Variants in NR1H2 observed in about 807,000 individuals in gnomAD.
NR1H2 encodes the protein nuclear receptor subfamily 1 group H member 2.
NR1H2 carries 33 observed loss-of-function variants against 51.2 expected under a neutral mutation model. The ratio of observed to expected loss-of-function variants is 0.64; its 90% CI spans 0.49 to 0.86. NR1H2 has a LOEUF of 0.86. NR1H2 is among the 40% of genes least tolerant of loss of function. The pLI is 0.00. For synonymous variants in NR1H2, 310 were observed against 264.3 expected (o/e 1.17, Z -1.68); for missense variants, 592 against 639.9 (o/e 0.93, Z 0.81).
At chr19:50,378,861 C>G in intron 6 of NR1H2, 65 bp downstream of exon 6, 1 of 1,576,212 alleles carries the variant, frequency 6.3e-7, no homozygotes, top group Non-Finnish European at 8.6e-7. Context: ...TGGGCCATCA[C>G]CCAGGGTGTG....
Position 50,382,664 on chromosome 19 carries a change from C to T in NR1H2, c.*62C>T, listed in dbSNP as rs969520741. 2.1e-5 allele frequency: 31 copies of T among 1,484,086 alleles called. No individual in the cohort carries two copies. The highest frequency in any genetic ancestry group is 2.8e-5 in the Non-Finnish European group (31 of 1,118,174). 91.9% of individuals were successfully genotyped at this position (1,484,086 alleles called of 1,614,324 possible). On this transcript the variant is annotated 3_prime_UTR_variant, in exon 10 of 10. Transcript: ENST00000253727. ...ACCCTCCAGCAGATAGACGCCGGCA[C>T]CCCTTCCTCTTCCTAGGGTGGAAGG...
At position 50,378,306 on chromosome 19, in the gene NR1H2, C is replaced by T. The variant is rs1217774507; in HGVS notation, c.339C>T (p.Arg113=). Residue 113 remains arginine, a synonymous_variant, in exon 5 of 10, where the codon CGC becomes CGT. Transcript: ENST00000253727. Reference sequence around the variant, plus strand: ...AAGGCTGCAAGGGCTTCTTCCGGCGCAGTGTGGTCCGTGGTGGGGCCAGGC... The same window carrying T: ...AAGGCTGCAAGGGCTTCTTCCGGCGTAGTGTGGTCCGTGGTGGGGCCAGGC... ...SCEGCKGFFR[R]SVVRGGARRY... is the part of the protein sequence containing the mutation. 1.2e-6 allele frequency: 2 copies of T among 1,613,206 alleles called. No individual in the cohort carries two copies. Among genetic ancestry groups the T allele is most frequent in the Non-Finnish European group, 1.7e-6 (2 of 1,180,036 alleles).
chr19:50,380,811 T>C (rs1318904), intron 8 of NR1H2, among the ~76,000 whole-genome samples: 4,568 of 152,074 alleles, frequency 0.03, 224 homozygotes, highest in African/African-American at 0.1. Context: ...ACCCTACCCC[T>C]TCCCAGCCGC....
In NR1H2 at chr19:50,378,182, A is replaced by C. The variant is rs770945071; in HGVS notation, c.215A>C (p.Lys72Thr). Residue 72 changes from lysine (K) to threonine (T), a missense_variant, in exon 5 of 10, where the codon AAG becomes ACG. Physicochemically the swap from Lys to Thr is moderately conservative, Grantham distance 78. Around this residue, in one of 3 missense-constraint regions of NR1H2, gnomAD observed 316 missense variants for 313.4 expected, o/e 1.01. Transcript: ENST00000253727. ...IPDPEEEPER[K>T]RKKGPAPKML... ...GATCCCGAAGAGGAACCAGAGCGCA[A>C]GCGAAAGAAGGGCCCAGCCCCGAAG... is the stretch of plus-strand genomic sequence containing the variant. The C allele has an allele frequency of 6.2e-7, 1 of 1,612,484 alleles. No homozygotes were observed. Among genetic ancestry groups the C allele is most frequent in the African/African-American group, 1.3e-5 (1 of 74,934 alleles).
intron 8 of NR1H2, 102 bp from the exon 9 acceptor site, chr19:50,381,861 TTAC>T (rs1337626868): frequency 9.3e-6 from 9 of 972,490 alleles, no homozygotes; most frequent in African/African-American, 1.6e-5. Flanking sequence ...AACGCTGTAA[TTAC>T]TGCTGTGTTC....
At chr19:50,378,049 C>T in intron 4 of NR1H2, 100 bp from the exon 5 acceptor site, 1 of 1,428,464 alleles carries the variant, frequency 7.0e-7, no homozygotes, top group Non-Finnish European at 9.4e-7. Flanking sequence ...CTCTCTCCCT[C>T]CATCCTCTGG....
intron 8 of NR1H2, among the ~76,000 whole-genome samples, chr19:50,381,559 A>G (rs1201434959): frequency 1.3e-5 from 2 of 152,234 alleles, no homozygotes; most frequent in African/African-American, 4.8e-5. Context: ...TGAACAAGTC[A>G]GTTTTGGGAA....
rs2123645100 is a variant in NR1H2, at chr19:50,378,011, C to T, written c.182-138C>T. 3.5e-6 allele frequency: 5 copies of T among 1,422,690 alleles called. No homozygotes were observed. In the East Asian group the frequency reaches 6.9e-5, roughly 20 times the overall value. 88.1% of individuals were successfully genotyped at this position (1,422,690 alleles called of 1,614,324 possible). On this transcript the variant is annotated intron_variant, in intron 4 of 9. Transcript: ENST00000253727. ...TTAACATATACATCTTTCTAAATTG[C>T]AATTTCCCTGAATGTGAGCAGCAAC... is the stretch of plus-strand genomic sequence containing the variant.
In NR1H2 at chr19:50,377,746, T is replaced by A; in HGVS notation, c.57T>A (p.Pro19=). The change falls in exon 4 of 10, where the codon CCT becomes CCA. Residue 19 remains proline (P), a synonymous_variant. Transcript: ENST00000253727. ...LDTPLPGNGP[P]QPGAPSSSPT... ...ACCCTCTTCCAGGAAATGGCCCCCC[T>A]CAGCCTGGCGCCCCTTCTTCTTCAC... The A allele has an allele frequency of 1.9e-6, 3 of 1,607,058 alleles. No homozygotes were observed. The highest frequency in any genetic ancestry group is 2.6e-6 in the Non-Finnish European group (3 of 1,176,316).
chr19:50,378,045 C>G, intron 4 of NR1H2, 104 bp from the exon 5 acceptor site: 1 of 1,417,966 alleles, frequency 7.1e-7, no homozygotes, highest in Non-Finnish European at 9.5e-7. Context: ...ACTCCTCTCT[C>G]CCTCCATCCT....
Position 50,382,769 on chromosome 19 carries a change from C to G in NR1H2, c.*167C>G, listed in dbSNP as rs1601146761. ...AGTCCAGGTCCAGGAGGCTCCCTCC[C>G]TGCCCAGCGAGTCTTCCAGAAGGGG... is the stretch of plus-strand genomic sequence containing the variant. On this transcript the variant is annotated 3_prime_UTR_variant, in exon 10 of 10. Transcript: ENST00000253727. 5 of 659,798 alleles carry G rather than the reference C, an allele frequency of 7.6e-6. No homozygotes were observed. In the East Asian group the frequency reaches 9.2e-5, roughly 12 times the overall value. The allele number at this position is 659,798 out of a possible 1,614,324, so 40.9% of individuals were successfully genotyped here.
chr19:50,381,929 G>C (rs770034082), intron 8 of NR1H2, 37 bp from the exon 9 acceptor site: 2 of 1,519,992 alleles, frequency 1.3e-6, no homozygotes, highest in Non-Finnish European at 1.8e-6. Flanking sequence ...GCACGGTTTC[G>C]GGCTGAGGGA....
rs756355371 is a variant in NR1H2, at chr19:50,379,061, C to T, written c.807C>T (p.His269=). The T allele has an allele frequency of 3.7e-6, 6 of 1,614,014 alleles. No homozygotes were observed. In the Admixed American group the frequency reaches 5.0e-5, roughly 13 times the overall value. The change falls in exon 7 of 10, where the codon CAC becomes CAT. Residue 269 remains histidine (H), a synonymous_variant. Coordinates refer to ENST00000253727, the MANE Select transcript of NR1H2 (RefSeq NM_007121.7). The part of the protein sequence containing the change: ...SRDARQQRFA[H]FTELAIISVQ... ...ATGCCCGCCAGCAACGCTTTGCCCA[C>T]TTCACGGAGCTGGCCATCATCTCAG...
Position 50,382,608 on chromosome 19 carries a change from T to C in NR1H2, c.*6T>C, listed in dbSNP as rs2123661293. 6.4e-7 allele frequency: 1 copy of C among 1,555,744 alleles called. No homozygotes were observed. Among genetic ancestry groups the C allele is most frequent in the Admixed American group, 1.9e-5 (1 of 53,530 alleles). On this transcript the variant is annotated 3_prime_UTR_variant, in exon 10 of 10. Coordinates refer to ENST00000253727, the MANE Select transcript of NR1H2 (RefSeq NM_007121.7). ...TCTGGGACGTCCACGAGTGAGGGGCTGGCCACCCAGCCCCACAGCCTTGCC... is the reference window on the plus strand; with the variant it reads ...TCTGGGACGTCCACGAGTGAGGGGCCGGCCACCCAGCCCCACAGCCTTGCC...
chr19:50,382,826 T>G lies in NR1H2; in HGVS notation c.*224T>G. On this transcript the variant is annotated 3_prime_UTR_variant, in exon 10 of 10. Coordinates refer to ENST00000253727, the MANE Select transcript of NR1H2 (RefSeq NM_007121.7). ...GGTTGCAGGTCCCGACCACTGACCC[T>G]TCCCGGCTGCCCTCCCTCCCCAGCT... The G allele has an allele frequency of 3.0e-5, 13 of 427,834 alleles. No homozygotes were observed. Among genetic ancestry groups the G allele is most frequent in the Non-Finnish European group, 4.1e-5 (10 of 242,152 alleles). 26.5% of individuals were successfully genotyped at this position (427,834 alleles called of 1,614,324 possible).
intron 9 of NR1H2, 78 bp from the exon 10 acceptor site, chr19:50,382,378 C>G: frequency 6.6e-7 from 1 of 1,511,874 alleles, no homozygotes; most frequent in Non-Finnish European, 8.8e-7. Context: ...GGGAGGGGCC[C>G]TCCTTTCTGT....
At chr19:50,379,288 G>A (rs1009845266) in intron 7 of NR1H2, 107 bp downstream of exon 7, 33 of 1,189,458 alleles carry the variant, frequency 2.8e-5, no homozygotes, top group Non-Finnish European at 3.5e-5. Flanking sequence ...GACATTCCAC[G>A]GCGAATAGAG....
At chr19:50,379,943 A>C in intron 8 of NR1H2, 64 bp downstream of exon 8, 1 of 1,042,118 alleles carries the variant, frequency 9.6e-7, no homozygotes, top group Non-Finnish European at 1.5e-6. Context: ...CCTGGGGCCA[A>C]CTCATCCCTG....
At position 50,378,454 on chromosome 19, in the gene NR1H2, AG is replaced by A. The variant is rs772107316; in HGVS notation, c.472+20del. ...GAGGGAGCAGTGTGAGTGCAGCGGG[AG>A]GGGGCGGTGCCGGCCTGGCCCCCCG... On this transcript the variant is annotated intron_variant, in intron 5 of 9. Coordinates refer to ENST00000253727, the MANE Select transcript of NR1H2 (RefSeq NM_007121.7). The A allele has an allele frequency of 1.3e-6, 2 of 1,580,994 alleles. No individual in the cohort carries two copies. The highest frequency in any genetic ancestry group is 1.7e-5 in the Admixed American group (1 of 58,672).
Sources: gnomAD v4.1 joint callset for allele counts (sites outside exome capture counted in the v4.1 genomes callset) on GRCh38, gnomAD v4.1.1 for gene constraint, gnomAD v4.1.1 regional missense constraint, MANE v1.5 for transcripts, NCBI Gene and HGNC (gene_info 2026-07-23, HGNC 2026-07-21) for gene names.